The following EP400 variants were observed in gnomAD, a reference collection of about 807,000 sequenced individuals.
EP400 encodes the protein E1A-binding protein p400.
In EP400, 105 loss-of-function variants were observed where a neutral mutation model predicts 354.1. The ratio of observed to expected loss-of-function variants is 0.30; its 90% CI spans 0.25 to 0.35. The LOEUF (loss-of-function observed/expected upper bound fraction) is 0.35. Ranked by LOEUF, EP400 falls within the 10% of genes least tolerant of loss-of-function variation. The pLI is 1.00. For synonymous variants in EP400, 1,646 were observed against 1,716.9 expected, an observed-to-expected ratio of 0.96 and a Z score of 1.02; for missense variants, 3,280 against 4,121.0, an observed-to-expected ratio of 0.80 and a Z score of 5.59.
At chr12:131,974,628 C>T (rs547383133) in intron 2 of EP400, among the ~76,000 whole-genome samples, 5 of 152,110 alleles carry the variant, frequency 3.3e-5, no homozygotes, top group Admixed American at 2.6e-4. Context: ...ATTAAATTCC[C>T]TTCAGAGTGT....
At chr12:132,076,023 T>G in intron 51 of EP400, 1 of 221,892 alleles carries the variant, frequency 4.5e-6, no homozygotes, top group East Asian at 1.0e-4. Context: ...CAGATCTCAA[T>G]CATGACTAAG....
intron 1 of EP400, among the ~76,000 whole-genome samples, chr12:131,959,572 G>C (rs1389160691): frequency 6.6e-6 from 1 of 152,158 alleles, no homozygotes; most frequent in Non-Finnish European, 1.5e-5. Flanking sequence ...TCATCCACTT[G>C]TGCTCAGCAG....
rs1286845850 is a variant in EP400 at position 132,055,154 on chromosome 12, C to A, written c.7830C>A (p.Thr2610=). ...CCATCGCAGGGGTCCCAGCTGCCAC[C>A]TTCCAGTCCATCAACAAGCGCCTGG... The part of the protein sequence containing the change: ...VNTIAGVPAA[T]FQSINKRLAS... Residue 2610 remains threonine (T), a synonymous_variant, in exon 45 of 53, where the codon ACC becomes ACA. Transcript: ENST00000389561. The A allele has an allele frequency of 6.2e-7, 1 of 1,603,548 alleles. No individual in the cohort carries two copies. Among genetic ancestry groups the A allele is most frequent in the Non-Finnish European group, 8.5e-7 (1 of 1,174,780 alleles).
At chr12:131,965,966 T>G (rs1892061553) in intron 2 of EP400, among the ~76,000 whole-genome samples, 1 of 152,056 alleles carries the variant, frequency 6.6e-6, no homozygotes, top group South Asian at 2.1e-4. Flanking sequence ...ATTCATTTCA[T>G]TTGGATAAAT....
Position 131,981,522 on chromosome 12 carries a change from A to C in EP400, c.1469A>C (p.His490Pro). ...QSKRPRLEVGHQGVVFQHPGA... is the reference protein window; with the variant it reads ...QSKRPRLEVGPQGVVFQHPGA... The stretch of plus-strand genomic sequence containing the variant: ...AAGAGGCCTCGCCTTGAAGTGGGTC[A>C]CCAAGGGGTAGTTTTCCAGCACCCA... The change falls in exon 4 of 53, where the codon CAC (histidine) becomes CCC (proline). Residue 490 changes from histidine to proline, a missense_variant. By Grantham distance (77) the His-to-Pro change is moderately conservative. This residue lies in a region of EP400 where 800 missense variants were observed against 840.0 expected (regional missense o/e 0.95). Coordinates refer to ENST00000389561, the MANE Select transcript of EP400 (RefSeq NM_015409.5). The C allele has an allele frequency of 6.3e-7, 1 of 1,594,646 alleles. No individual in the cohort carries two copies. The highest frequency in any genetic ancestry group is 1.8e-5 in the Admixed American group (1 of 56,766).
intron 45 of EP400, among the ~76,000 whole-genome samples, chr12:132,060,039 T>C (rs940026095): frequency 6.6e-6 from 1 of 151,852 alleles, no homozygotes; most frequent in African/African-American, 2.4e-5. Context: ...AAAAAAGTTA[T>C]GCTTTCTATT....
intron 30 of EP400, among the ~76,000 whole-genome samples, chr12:132,034,985 TAGAAC>T: frequency 1.3e-5 from 2 of 152,168 alleles, no homozygotes; most frequent in South Asian, 4.1e-4. Context: ...AGGCGGGTGA[TAGAAC>T]AGGGAGATTT....
In EP400 at chr12:132,064,773, C is replaced by T. The variant is rs1895834107; in HGVS notation, c.8440C>T (p.Gln2814Ter). ...PPQPTAQVQV[Q>*]TSQPPQQQSP... is the part of the protein sequence containing the mutation. ...GCAGCCAACAGCCCAAGTGCAAGTG[C>T]AGACCTCGCAGCCGCCGCAGCAGCA... Residue 2814 changes from glutamine (Q) to a stop codon, truncating the protein, a stop_gained, in exon 48 of 53, where the codon CAG (glutamine) becomes TAG (stop). Coordinates refer to ENST00000389561, the MANE Select transcript of EP400 (RefSeq NM_015409.5). LOFTEE classifies it high-confidence loss of function. 6.2e-7 allele frequency: 1 copy of T among 1,613,168 alleles called. No homozygotes were observed. Among genetic ancestry groups the T allele is most frequent in the African/African-American group, 1.3e-5 (1 of 74,922 alleles).
At chr12:132,021,443 C>A in intron 23 of EP400, 122 bp downstream of exon 23, 1 of 1,338,874 alleles carries the variant, frequency 7.5e-7, no homozygotes, top group Non-Finnish European at 9.8e-7. Flanking sequence ...AGCCCCATGC[C>A]CGGTGCTGCC....
intron 30 of EP400, among the ~76,000 whole-genome samples, chr12:132,036,473 G>A (rs1894722121): frequency 6.6e-6 from 1 of 152,272 alleles, no homozygotes; most frequent in African/African-American, 2.4e-5. Context: ...GAACGTCGTG[G>A]AAGCACGCAC....
chr12:132,045,475 C>A lies in EP400; in HGVS notation c.6941C>A (p.Pro2314His). 6.2e-7 allele frequency: 1 copy of A among 1,614,150 alleles called. No individual in the cohort carries two copies. The highest frequency in any genetic ancestry group is 1.1e-5 in the South Asian group (1 of 91,068). ...LLKQQVPFAK[P>H]LPTFAKPTAE... is the part of the protein sequence containing the mutation. ...AAGCAGCAGGTGCCATTCGCCAAGC[C>A]CCTGCCAACTTTTGCCAAACCCACA... The change falls in exon 38 of 53, where the codon CCC (proline) becomes CAC (histidine). Residue 2314 changes from proline to histidine, a missense_variant. By Grantham distance (77) the Pro-to-His change is moderately conservative. Transcript: ENST00000389561.
Position 131,979,672 on chromosome 12 carries a change from ATTT to A in EP400, c.1336-18_1336-16del. ...AATGGCCTTCAGTGATCAAAATCTCATTTTTTCATCTTTTTTCCCAGCAGCAAG... is the reference window on the plus strand; with the variant it reads ...AATGGCCTTCAGTGATCAAAATCTCATTTCATCTTTTTTCCCAGCAGCAAG... On this transcript the variant is annotated intron_variant, in intron 2 of 52. Coordinates refer to ENST00000389561, the MANE Select transcript of EP400 (RefSeq NM_015409.5). 1 of 1,597,490 alleles carries A rather than the reference ATTT, an allele frequency of 6.3e-7. No homozygotes were observed. The highest frequency in any genetic ancestry group is 1.3e-5 in the African/African-American group (1 of 74,100).
chr12:132,013,761 C>T lies in EP400; in HGVS notation c.3787-16C>T, dbSNP rs1301290138. ...GCATTTTTGGAAAGAAAACAGTAAACAGTTTTTATTTTCAGGTGACACAGC... is the reference window on the plus strand; with the variant it reads ...GCATTTTTGGAAAGAAAACAGTAAATAGTTTTTATTTTCAGGTGACACAGC... On this transcript the variant is annotated splice_polypyrimidine_tract_variant and intron_variant, in intron 18 of 52. Coordinates refer to ENST00000389561, the MANE Select transcript of EP400 (RefSeq NM_015409.5). The surrounding 1 kb of genome is among the most constrained non-coding windows in gnomAD (Gnocchi z 4.5). The T allele has an allele frequency of 6.2e-7, 1 of 1,612,454 alleles. No homozygotes were observed. The highest frequency in any genetic ancestry group is 1.3e-5 in the African/African-American group (1 of 74,764).
At chr12:131,963,504 C>T (rs1199633958) in intron 2 of EP400, 1 of 1,547,422 alleles carries the variant, frequency 6.5e-7, no homozygotes, top group Non-Finnish European at 8.8e-7. Flanking sequence ...ATTATGTTGC[C>T]TTTTTTTCTC....
chr12:132,067,346 C>T lies in EP400; in HGVS notation c.8750-16C>T, dbSNP rs770962596. On this transcript the variant is annotated splice_polypyrimidine_tract_variant and intron_variant, in intron 49 of 52. Coordinates refer to ENST00000389561, the MANE Select transcript of EP400 (RefSeq NM_015409.5). This position sits in a 1 kb window ranked among gnomAD's most constrained non-coding sequence, Gnocchi z 5.3. ...TTTTCCCAGTGTGCTGACTAAGGGGCTTTTGCTGCCTGCAGGACAGACCGT... is the reference window on the plus strand; with the variant it reads ...TTTTCCCAGTGTGCTGACTAAGGGGTTTTTGCTGCCTGCAGGACAGACCGT... The T allele has an allele frequency of 7.4e-6, 12 of 1,610,898 alleles. No individual in the cohort carries two copies. In the Admixed American group the frequency reaches 2.0e-4, roughly 27 times the overall value.
Position 132,006,854 on chromosome 12 carries a change from T to C in EP400, c.3281T>C (p.Phe1094Ser). Residue 1094 changes from phenylalanine to serine, a missense_variant, in exon 15 of 53, where the codon TTT becomes TCT. By Grantham distance (155) the Phe-to-Ser change is radical. Coordinates refer to ENST00000389561, the MANE Select transcript of EP400 (RefSeq NM_015409.5). ...AAAACAGTGCAGATCATTGCTTTTT[T>C]TGCCCACCTAGCTTGTAACGAAGGT... Reference protein sequence around the residue: ...LGKTVQIIAFFAHLACNEGNW... With the variant: ...LGKTVQIIAFSAHLACNEGNW... The C allele has an allele frequency of 6.2e-7, 1 of 1,613,932 alleles. No homozygotes were observed. The highest frequency in any genetic ancestry group is 8.5e-7 in the Non-Finnish European group (1 of 1,179,986).
At chr12:132,064,482 AT>A (rs1895821546) in intron 47 of EP400, among the ~76,000 whole-genome samples, 185 bp from the exon 48 acceptor site, 2 of 152,356 alleles carry the variant, frequency 1.3e-5, no homozygotes, top group South Asian at 4.1e-4. Flanking sequence ...ACGAATGCAC[AT>A]TTTTAATAAA....
At chr12:132,069,688 C>T (rs377226892) in intron 51 of EP400, 47 bp downstream of exon 51, 12 of 1,606,798 alleles carry the variant, frequency 7.5e-6, no homozygotes, top group African/African-American at 5.4e-5. Context: ...AGTGGGTGCC[C>T]GGCCTTTGGA....
At chr12:132,015,963 G>A (rs1357414191) in intron 19 of EP400, among the ~76,000 whole-genome samples, 4 of 152,110 alleles carry the variant, frequency 2.6e-5, no homozygotes, top group African/African-American at 4.8e-5. Context: ...CTCCAGAGCT[G>A]CCAGACCAGA....
Sources: allele counts gnomAD v4.1 joint callset (sites outside exome capture counted in the v4.1 genomes callset), GRCh38; gene constraint gnomAD v4.1.1; regional missense constraint gnomAD v4.1.1; non-coding constraint Gnocchi (gnomAD v3.1); transcripts MANE v1.5; gene names NCBI Gene and HGNC (gene_info 2026-07-23, HGNC 2026-07-21).